The following MVB12B variants were observed in gnomAD, a reference collection of about 807,000 sequenced individuals.
MVB12B encodes the protein ESCRT-I complex subunit MVB12B.
In MVB12B, 16 loss-of-function variants were observed where a neutral mutation model predicts 41.6. The ratio of observed to expected loss-of-function variants is 0.38; its 90% confidence interval spans 0.26 to 0.58. The LOEUF is 0.58. Ranked by LOEUF, MVB12B falls within the 20% of genes least tolerant of loss-of-function variation. MVB12B has a pLI of 0.62. For synonymous variants in MVB12B, 133 were observed against 139.7 expected, an observed-to-expected ratio of 0.95 and a Z score of 0.34; for missense variants, 274 against 380.2, an observed-to-expected ratio of 0.72 and a Z score of 2.32.
intron 7 of MVB12B, among the ~76,000 whole-genome samples, chr9:126,441,718 G>A (rs1588175683): frequency 1.0e-5 from 1 of 99,228 alleles, no homozygotes; most frequent in Non-Finnish European, 2.9e-5. Context: ...CTACAAAACT[G>A]TAAGTTTGAT....
chr9:126,445,529 C>G lies in MVB12B; in HGVS notation c.757+23581C>G, dbSNP rs564367633. Among the ~76,000 whole-genome samples, 267 of 152,336 alleles carry G rather than the reference C, an allele frequency of 1.8e-3. 1 individual carries two copies. The highest frequency in any genetic ancestry group is 6.3e-3 in the African/African-American group (263 of 41,576). On this transcript the variant is annotated intron_variant, in intron 7 of 9. Transcript: ENST00000361171. ...ATGTTGGCCAGGCTGGTCTTGAACT[C>G]CTAGCCTCAAGTGATCCTCCCCCTC...
intron 3 of MVB12B, among the ~76,000 whole-genome samples, chr9:126,384,129 G>A (rs189526958): frequency 1.3e-5 from 2 of 152,112 alleles, no homozygotes; most frequent in East Asian, 1.9e-4. Flanking sequence ...TAGACCAGGC[G>A]ACTCTGAAAG....
At position 126,391,727 on chromosome 9, in the gene MVB12B, T is replaced by C. The variant is rs1045986103; in HGVS notation, c.410-339T>C. On this transcript the variant is annotated intron_variant, in intron 4 of 9. Coordinates refer to ENST00000361171, the MANE Select transcript of MVB12B (RefSeq NM_033446.3). This position sits in a 1 kb window ranked among gnomAD's most constrained non-coding sequence, Gnocchi z 4.4. ...GTAATAAAAAGAAAAGAAGTCCGTG[T>C]GGTGAAATGTGTTAATGCTCAGGGC... is the stretch of plus-strand genomic sequence containing the variant. Among the ~76,000 whole-genome samples the C allele has an allele frequency of 1.3e-5, 2 of 152,192 alleles. No individual in the cohort carries two copies. The highest frequency in any genetic ancestry group is 2.9e-5 in the Non-Finnish European group (2 of 68,032).
At chr9:126,356,326 G>T (rs1829879896) in intron 2 of MVB12B, among the ~76,000 whole-genome samples, 1 of 152,106 alleles carries the variant, frequency 6.6e-6, no homozygotes. Context: ...AGCATGATTT[G>T]GGTACTTAGG....
chr9:126,481,343 C>A (rs191241625), intron 7 of MVB12B, 26 bp from the exon 8 acceptor site: 1 of 1,601,702 alleles, frequency 6.2e-7, no homozygotes, highest in African/African-American at 1.3e-5. Context: ...ACCTTTAATG[C>A]CATCTTTTTT....
At position 126,347,305 on chromosome 9, in the gene MVB12B, G is replaced by A. The variant is rs537175876; in HGVS notation, c.204+6675G>A. ...GCCTTGGGCTCGGCCTGTGCGGGCA[G>A]CACATGGGCCAGCTGCCCTGGGAGT... On this transcript the variant is annotated intron_variant, in intron 2 of 9. Coordinates refer to ENST00000361171, the MANE Select transcript of MVB12B (RefSeq NM_033446.3). Among the ~76,000 whole-genome samples the A allele has an allele frequency of 2.4e-4, 37 of 152,364 alleles. No homozygotes were observed. The South Asian group carries it at 6.0e-3, about 25-fold the overall frequency.
chr9:126,421,683 G>T (rs1832024806), intron 6 of MVB12B, among the ~76,000 whole-genome samples, 171 bp from the exon 7 acceptor site: 1 of 152,230 alleles, frequency 6.6e-6, no homozygotes, highest in African/African-American at 2.4e-5. Context: ...TCCTTGAGAG[G>T]ACTTGAGCCC....
chr9:126,377,109 C>T (rs756760736), intron 2 of MVB12B, among the ~76,000 whole-genome samples: 2 of 152,112 alleles, frequency 1.3e-5, no homozygotes, highest in Non-Finnish European at 2.9e-5. Flanking sequence ...CTGCACTGTC[C>T]ATTTGATTGT....
At position 126,395,396 on chromosome 9, in the gene MVB12B, G is replaced by A. The variant is rs1001560547; in HGVS notation, c.540-179G>A. ...TGCCTAGATGGAACGGGTCACCCTCGTGTGAACTATGACACCCAGAGCACA... is the reference window on the plus strand; with the variant it reads ...TGCCTAGATGGAACGGGTCACCCTCATGTGAACTATGACACCCAGAGCACA... On this transcript the variant is annotated intron_variant, in intron 5 of 9. Transcript: ENST00000361171. The surrounding 1 kb of genome is among the most constrained non-coding windows in gnomAD (Gnocchi z 4.9). 9.2e-5 allele frequency among the ~76,000 whole-genome samples: 14 copies of A among 152,226 alleles called. No individual in the cohort carries two copies. Among genetic ancestry groups the A allele is most frequent in the African/African-American group, 2.4e-4 (10 of 41,464 alleles).
intron 6 of MVB12B, among the ~76,000 whole-genome samples, chr9:126,401,707 C>T (rs1421927819): frequency 1.3e-5 from 2 of 152,256 alleles, no homozygotes; most frequent in Non-Finnish European, 2.9e-5. Flanking sequence ...TGTCCCCCAT[C>T]ACATCATTGT....
Position 126,468,095 on chromosome 9 carries a change from C to A in MVB12B, c.758-13274C>A, listed in dbSNP as rs1456589925. Among the ~76,000 whole-genome samples the A allele has an allele frequency of 2.0e-5, 3 of 152,204 alleles. No individual in the cohort carries two copies. The highest frequency in any genetic ancestry group is 2.9e-5 in the Non-Finnish European group (2 of 68,032). ...GATACATCTGATTTTGATCCAATAT[C>A]ACAGAGTACATTCTGATCTTCCCAT... On this transcript the variant is annotated intron_variant, in intron 7 of 9. Transcript: ENST00000361171. This position sits in a 1 kb window ranked among gnomAD's most constrained non-coding sequence, Gnocchi z 4.3.
chr9:126,391,295 G>C lies in MVB12B; in HGVS notation c.410-771G>C, dbSNP rs1033242163. On this transcript the variant is annotated intron_variant, in intron 4 of 9. Transcript: ENST00000361171. This position sits in a 1 kb window ranked among gnomAD's most constrained non-coding sequence, Gnocchi z 4.4. ...GACCCGATTTCTCCAACCTGTTAGT[G>C]CCCTGAAGAAAAGGGAACAGGAGTG... 6.6e-6 allele frequency among the ~76,000 whole-genome samples: 1 copy of C among 152,202 alleles called. No individual in the cohort carries two copies. Among genetic ancestry groups the C allele is most frequent in the Non-Finnish European group, 1.5e-5 (1 of 68,032 alleles).
At chr9:126,412,180 T>A (rs1259465848) in intron 6 of MVB12B, among the ~76,000 whole-genome samples, 2 of 152,190 alleles carry the variant, frequency 1.3e-5, no homozygotes, top group Admixed American at 6.5e-5. Context: ...TCTCTGTGAC[T>A]CCCGCACCCT....
intron 9 of MVB12B, among the ~76,000 whole-genome samples, chr9:126,494,343 C>T (rs1833788884): frequency 6.6e-6 from 1 of 152,180 alleles, no homozygotes; most frequent in Non-Finnish European, 1.5e-5. Context: ...TGGCAGCCAC[C>T]ACCACCACAC....
intron 7 of MVB12B, among the ~76,000 whole-genome samples, chr9:126,437,651 A>T (rs936283858): frequency 6.6e-6 from 1 of 152,266 alleles, no homozygotes; most frequent in Non-Finnish European, 1.5e-5. Context: ...TTTCAGCCTT[A>T]TCAGGCGTTC....
chr9:126,327,635 C>T lies in MVB12B; in HGVS notation c.81+625C>T, dbSNP rs533698905. On this transcript the variant is annotated intron_variant, in intron 1 of 9. Transcript: ENST00000361171. ...GAGACGGGAGGAGCAGGGGCTGGGA[C>T]AAGAGCTGAGGCATGGCACCAGGGG... 6.1e-4 allele frequency among the ~76,000 whole-genome samples: 93 copies of T among 152,274 alleles called. 3 individuals carry two copies. The South Asian group carries it at 0.017, about 27-fold the overall frequency.
chr9:126,501,214 T>G (rs1318736097), intron 9 of MVB12B, among the ~76,000 whole-genome samples: 1 of 152,212 alleles, frequency 6.6e-6, no homozygotes, highest in African/African-American at 2.4e-5. Context: ...GTGGGTTCTC[T>G]GGAGCAACCA....
chr9:126,390,259 A>G (rs1461936812), intron 4 of MVB12B, among the ~76,000 whole-genome samples: 1 of 152,240 alleles, frequency 6.6e-6, no homozygotes, highest in African/African-American at 2.4e-5. Flanking sequence ...GCACTGGGCT[A>G]AGTGGATCAT....
At chr9:126,502,750 G>A (rs1277900330) in intron 9 of MVB12B, among the ~76,000 whole-genome samples, 4 of 152,226 alleles carry the variant, frequency 2.6e-5, no homozygotes, top group African/African-American at 9.6e-5. Flanking sequence ...CCTGGCAGCT[G>A]AGACCAGCCT....
Sources: gnomAD v4.1 joint callset for allele counts (sites outside exome capture counted in the v4.1 genomes callset) on GRCh38, gnomAD v4.1.1 for gene constraint, Gnocchi (gnomAD v3.1) non-coding constraint, MANE v1.5 for transcripts, NCBI Gene and HGNC (gene_info 2026-07-23, HGNC 2026-07-21) for gene names.